The following NEK7 variants were observed in gnomAD, a reference collection of about 807,000 sequenced individuals.
The protein encoded by NEK7 is serine/threonine-protein kinase Nek7.
A neutral mutation model predicts 44.6 loss-of-function variants in NEK7; 18 were observed. The ratio of observed to expected loss-of-function variants is 0.40; its 90% CI spans 0.28 to 0.60. The LOEUF (loss-of-function observed/expected upper bound fraction) is 0.60, where lower values mean the gene tolerates loss of function less well. NEK7 is among the 20% of genes least tolerant of loss of function. NEK7 has a pLI of 0.38. For missense variants in NEK7, 256 were observed against 366.5 expected (o/e 0.70, Z 2.46); for synonymous variants, 130 against 121.1 (o/e 1.07, Z -0.48).
intron 1 of NEK7, chr1:198,197,778 T>A: frequency 1.4e-6 from 1 of 708,290 alleles, no homozygotes; most frequent in South Asian, 1.4e-5. Flanking sequence ...AGGGCCTGTA[T>A]TCAGTCAGAG....
At position 198,169,798 on chromosome 1, in the gene NEK7, T is replaced by C. The variant is rs76913195; in HGVS notation, c.-29+12522T>C. 3.5e-3 allele frequency among the ~76,000 whole-genome samples: 527 copies of C among 152,328 alleles called. 1 individual carries two copies. Among genetic ancestry groups the C allele is most frequent in the African/African-American group, 0.011 (468 of 41,572 alleles). On this transcript the variant is annotated intron_variant, in intron 1 of 9. Coordinates refer to ENST00000367385, the MANE Select transcript of NEK7 (RefSeq NM_133494.3). ...TGCTTCTTTAAGCCGTTAGTACTTA[T>C]TGAGTCTTGTTGTAGTTATCTTAGC... is the stretch of plus-strand genomic sequence containing the variant.
chr1:198,319,202 A>T (rs1050030275), intron 9 of NEK7, among the ~76,000 whole-genome samples: 2 of 152,192 alleles, frequency 1.3e-5, no homozygotes, highest in Non-Finnish European at 2.9e-5. Flanking sequence ...GGTTGACATT[A>T]ATACTGTCCA....
chr1:198,189,146 G>T (rs188820728), intron 1 of NEK7, among the ~76,000 whole-genome samples: 1 of 152,266 alleles, frequency 6.6e-6, no homozygotes, highest in East Asian at 1.9e-4. Flanking sequence ...TGTGTGGCAT[G>T]TTACGTATTT....
At chr1:198,293,257 G>T (rs1654613255) in intron 8 of NEK7, among the ~76,000 whole-genome samples, 1 of 151,744 alleles carries the variant, frequency 6.6e-6, no homozygotes, top group Non-Finnish European at 1.5e-5. Context: ...TTGATGAGAA[G>T]TTTATTTTTA....
chr1:198,251,318 G>C (rs960104159), intron 2 of NEK7, among the ~76,000 whole-genome samples: 8 of 149,954 alleles, frequency 5.3e-5, no homozygotes, highest in Non-Finnish European at 8.8e-5. Flanking sequence ...GTTCATCAAG[G>C]ATATTGGTCT....
At chr1:198,297,050 C>G in intron 8 of NEK7, 77 bp from the exon 9 acceptor site, 1 of 897,844 alleles carries the variant, frequency 1.1e-6, no homozygotes, top group Non-Finnish European at 1.8e-6. Context: ...ATTTTCTACC[C>G]CCGTATAATA....
intron 1 of NEK7, among the ~76,000 whole-genome samples, chr1:198,218,166 A>G (rs931028221): frequency 1.3e-5 from 2 of 152,136 alleles, no homozygotes; most frequent in Admixed American, 6.6e-5. Context: ...CTGACTTCAA[A>G]TCATACTACA....
Position 198,226,437 on chromosome 1 carries a change from C to T in NEK7, c.-28-6116C>T, listed in dbSNP as rs577300394. 3.1e-4 allele frequency among the ~76,000 whole-genome samples: 47 copies of T among 151,588 alleles called. No homozygotes were observed. The Middle Eastern group carries it at 0.01, about 33-fold the overall frequency. ...GCACACACCTGTAATCCTAGCTACT[C>T]AAGAGGTTGAGGCAGGAGAATGACT... On this transcript the variant is annotated intron_variant, in intron 1 of 9. Transcript: ENST00000367385.
At chr1:198,198,207 C>A in intron 1 of NEK7, 1 of 714,764 alleles carries the variant, frequency 1.4e-6, no homozygotes, top group Admixed American at 2.0e-5. Flanking sequence ...GTCCTCCAGC[C>A]TTTCCACCAC....
At chr1:198,248,691 G>C (rs1170390461) in intron 2 of NEK7, among the ~76,000 whole-genome samples, 1 of 152,134 alleles carries the variant, frequency 6.6e-6, no homozygotes, top group Non-Finnish European at 1.5e-5. Flanking sequence ...TCATGCATTA[G>C]TTGACAGTTT....
intron 5 of NEK7, among the ~76,000 whole-genome samples, chr1:198,269,178 T>C (rs1653756574): frequency 6.6e-6 from 1 of 152,144 alleles, no homozygotes; most frequent in Non-Finnish European, 1.5e-5. Flanking sequence ...TTCTAGCTCA[T>C]AGCACCAACT....
At chr1:198,300,311 G>T (rs889614483) in intron 9 of NEK7, among the ~76,000 whole-genome samples, 10 of 152,076 alleles carry the variant, frequency 6.6e-5, no homozygotes, top group Non-Finnish European at 1.3e-4. Context: ...AAACTGACCT[G>T]GGCTCATCTC....
chr1:198,268,467 A>G (rs1169943833), intron 5 of NEK7, among the ~76,000 whole-genome samples: 22 of 151,812 alleles, frequency 1.4e-4, no homozygotes, highest in Admixed American at 1.3e-3. Context: ...ATGCCTTTCA[A>G]ATTTCTCCAC....
intron 1 of NEK7, chr1:198,207,195 G>A (rs1665622418): frequency 6.6e-6 from 1 of 152,066 alleles, no homozygotes; most frequent in Admixed American, 6.5e-5. Flanking sequence ...AATAATGAGT[G>A]ACAGGAACAT....
intron 4 of NEK7, among the ~76,000 whole-genome samples, chr1:198,262,936 A>T (rs1653526236): frequency 6.6e-6 from 1 of 151,912 alleles, no homozygotes; most frequent in Non-Finnish European, 1.5e-5. Context: ...CCAACAAGAC[A>T]TATTCTAAAG....
At chr1:198,288,363 A>G (rs1235740195) in intron 7 of NEK7, among the ~76,000 whole-genome samples, 1 of 152,258 alleles carries the variant, frequency 6.6e-6, no homozygotes, top group African/African-American at 2.4e-5. Flanking sequence ...GCAGAGTAGC[A>G]TAATTTTCAC....
In NEK7 at chr1:198,321,529, C is replaced by T. The variant is rs796174166; in HGVS notation, c.*2007C>T. On this transcript the variant is annotated 3_prime_UTR_variant, in exon 10 of 10. Transcript: ENST00000367385. ...AATACATAGATCTAAAATTCATTAGCTTGACCCCTCAAAGTAACTTTTAAG... is the reference window on the plus strand; with the variant it reads ...AATACATAGATCTAAAATTCATTAGTTTGACCCCTCAAAGTAACTTTTAAG... The T allele has an allele frequency of 6.6e-6, 1 of 152,106 alleles. No individual in the cohort carries two copies. The highest frequency in any genetic ancestry group is 1.9e-4 in the East Asian group (1 of 5,182). The allele number at this position is 152,106 out of a possible 1,614,324, so 9.4% of individuals were successfully genotyped here.
rs912390912 is a variant in NEK7, at chr1:198,217,843, A to T, written c.-28-14710A>T. Among the ~76,000 whole-genome samples the T allele has an allele frequency of 1.8e-3, 263 of 149,458 alleles. 1 individual carries two copies. The highest frequency in any genetic ancestry group is 6.1e-3 in the African/African-American group (251 of 40,846). ...CAATCCGTTTTTACAATAGCTATAA[A>T]AAAAAAAAAAAAAGCCCCAAGCCTA... On this transcript the variant is annotated intron_variant, in intron 1 of 9. Transcript: ENST00000367385.
chr1:198,196,119 A>AT (rs1465962371), intron 1 of NEK7, among the ~76,000 whole-genome samples: 3 of 152,312 alleles, frequency 2.0e-5, no homozygotes, highest in Admixed American at 6.5e-5. Context: ...TATTCTAGGA[A>AT]AATTGGAAAG....
Sources: allele counts gnomAD v4.1 joint callset (sites outside exome capture counted in the v4.1 genomes callset), GRCh38; gene constraint gnomAD v4.1.1; transcripts MANE v1.5; gene names NCBI Gene and HGNC (gene_info 2026-07-23, HGNC 2026-07-21).